Variants in AMZ1 observed in about 807,000 individuals in gnomAD.
AMZ1 encodes archaelysin family metallopeptidase 1, also known as archaemetzincin-1.
A neutral mutation model predicts 29.9 loss-of-function variants in AMZ1; 39 were observed. The ratio of observed to expected loss-of-function variants is 1.30; its 90% CI spans 1.01 to 1.70. AMZ1 has a LOEUF of 1.70. Ranked by LOEUF, AMZ1 falls within the 40% of genes most tolerant of loss-of-function variation. The pLI, the probability that AMZ1 is intolerant of heterozygous loss-of-function variation, is 0.00. For missense variants in AMZ1, 1,041 were observed against 680.6 expected (o/e 1.53, Z -5.89); for synonymous variants, 458 against 304.0 (o/e 1.51, Z -5.27).
Position 2,719,050 on chromosome 7 carries a change from CTTCTACCACA to C in AMZ1, c.*6180_*6189del, listed in dbSNP as rs1789299820. ...CCCCCCCATCTGAAGTGAGATCAAACTTCTACCACATTCTACCTGTGCCCTTCTGGGTGGG... is the reference window on the plus strand; with the variant it reads ...CCCCCCCATCTGAAGTGAGATCAAACTTCTACCTGTGCCCTTCTGGGTGGG... On this transcript the variant is annotated 3_prime_UTR_variant, in exon 7 of 7. Coordinates refer to ENST00000683327, the MANE Select transcript of AMZ1 (RefSeq NM_001384743.1). Among the ~76,000 whole-genome samples, 2 of 147,090 alleles carry C rather than the reference CTTCTACCACA, an allele frequency of 1.4e-5. No individual in the cohort carries two copies. Among genetic ancestry groups the C allele is most frequent in the South Asian group, 4.3e-4 (2 of 4,696 alleles).
Position 2,709,250 on chromosome 7 carries a change from T to G in AMZ1, c.771+6T>G. ...GGATGGTTCAGTGCTGCAAGGTGGG[T>G]GGGGGCTCTGGGGCTGGTAAGAGGG... On this transcript the variant is annotated splice_donor_region_variant and intron_variant, in intron 5 of 6. Coordinates refer to ENST00000683327, the MANE Select transcript of AMZ1 (RefSeq NM_001384743.1). 3 of 1,489,214 alleles carry G rather than the reference T, an allele frequency of 2.0e-6. No individual in the cohort carries two copies. The highest frequency in any genetic ancestry group is 2.7e-6 in the Non-Finnish European group (3 of 1,123,150). The allele number at this position is 1,489,214 out of a possible 1,614,324, so 92.3% of individuals were successfully genotyped here.
chr7:2,696,668 T>C (rs1787766632), intron 1 of AMZ1, among the ~76,000 whole-genome samples: 1 of 151,690 alleles, frequency 6.6e-6, no homozygotes, highest in South Asian at 2.1e-4. Context: ...GCAGATCACC[T>C]TGAGGTCAGG....
intron 1 of AMZ1, among the ~76,000 whole-genome samples, chr7:2,689,002 G>T (rs1009992014): frequency 6.6e-6 from 1 of 152,228 alleles, no homozygotes; most frequent in African/African-American, 2.4e-5. Context: ...GGTGAGGAGA[G>T]AGAACAGGAA....
chr7:2,708,783 G>A lies in AMZ1; in HGVS notation c.601+67G>A, dbSNP rs1221267334. ...GCATGGGGCTGTGGCCTCCGTGGCT[G>A]CAGGGCACCCTCTTTGCTTTTGCTT... On this transcript the variant is annotated intron_variant, in intron 4 of 6. Coordinates refer to ENST00000683327, the MANE Select transcript of AMZ1 (RefSeq NM_001384743.1). 15 of 1,604,270 alleles carry A rather than the reference G, an allele frequency of 9.4e-6. No homozygotes were observed. In the South Asian group the frequency reaches 1.2e-4, roughly 13 times the overall value.
At chr7:2,764,774 C>T (rs1230341425) in exon 1 of AMZ1, 2 of 152,210 alleles carry the variant, frequency 1.3e-5, no homozygotes, top group Non-Finnish European at 2.9e-5. Flanking sequence ...TCTGAAGTCC[C>T]TCTCATTCTC....
intron 4 of AMZ1, among the ~76,000 whole-genome samples, chr7:2,747,594 C>T (rs1296172925): frequency 3.3e-5 from 5 of 152,044 alleles, no homozygotes; most frequent in African/African-American, 1.2e-4. Flanking sequence ...GGAAGCATTC[C>T]CTTTGAAAAC....
chr7:2,736,070 G>C (rs896644552), intron 4 of AMZ1, among the ~76,000 whole-genome samples: 7 of 152,148 alleles, frequency 4.6e-5, no homozygotes, highest in Admixed American at 3.3e-4. Context: ...GACTCCTCAA[G>C]TCTTACAGCA....
rs773929996 is a variant in AMZ1 at position 2,709,167 on chromosome 7, G to A, written c.694G>A (p.Asp232Asn). 1 of 1,559,720 alleles carries A rather than the reference G, an allele frequency of 6.4e-7. No homozygotes were observed. Among genetic ancestry groups the A allele is most frequent in the East Asian group, 2.3e-5 (1 of 43,684 alleles). The part of the protein sequence containing the change: ...PDLALVEAAA[D>N]GPEAPLQDRG... ...TCTGGCCCTGGTAGAGGCAGCAGCA[G>A]ACGGCCCCGAGGCCCCCCTGCAGGA... Residue 232 changes from aspartate (D) to asparagine (N), a missense_variant, in exon 5 of 7, where the codon GAC becomes AAC. Coordinates refer to ENST00000683327, the MANE Select transcript of AMZ1 (RefSeq NM_001384743.1).
At chr7:2,702,997 C>A in intron 3 of AMZ1, 108 bp downstream of exon 3, 3 of 1,388,374 alleles carry the variant, frequency 2.2e-6, no homozygotes, top group South Asian at 1.4e-5. Context: ...TTCCTTTTTG[C>A]TGGGAAACAT....
rs753698116 is a variant in AMZ1 at position 2,714,469 on chromosome 7, T to C, written c.*1591T>C. ...GATCTTCGTCCCGTTCTCTTTTGCG[T>C]AGCTTCAAAAAGGCGTAACAGTGAC... On this transcript the variant is annotated 3_prime_UTR_variant, in exon 7 of 7. Transcript: ENST00000683327. 2.0e-5 allele frequency: 3 copies of C among 152,328 alleles called. No homozygotes were observed. Among genetic ancestry groups the C allele is most frequent in the Non-Finnish European group, 4.4e-5 (3 of 68,042 alleles). The allele number at this position is 152,328 out of a possible 1,614,324, so 9.4% of individuals were successfully genotyped here. A position where few individuals can be genotyped will look rare whatever the true frequency, so the allele number is the denominator to read the frequency against.
At chr7:2,732,684 C>T (rs934129968) in intron 4 of AMZ1, among the ~76,000 whole-genome samples, 1 of 152,206 alleles carries the variant, frequency 6.6e-6, no homozygotes. Flanking sequence ...TGACTACCAC[C>T]CACGGGGTGT....
intron 4 of AMZ1, among the ~76,000 whole-genome samples, 171 bp downstream of exon 4, chr7:2,708,887 A>AG (rs1788550226): frequency 6.6e-6 from 1 of 152,166 alleles, no homozygotes; most frequent in Non-Finnish European, 1.5e-5. Context: ...GGAATGGCAT[A>AG]GGGGCTGTTC....
chr7:2,740,029 C>T (rs1176950228), intron 4 of AMZ1, among the ~76,000 whole-genome samples: 4 of 152,132 alleles, frequency 2.6e-5, no homozygotes, highest in Admixed American at 6.5e-5. Context: ...TTCTCCACGG[C>T]GGCTGCACAA....
At chr7:2,739,444 GGC>G (rs1325904164) in intron 4 of AMZ1, among the ~76,000 whole-genome samples, 2 of 152,120 alleles carry the variant, frequency 1.3e-5, no homozygotes, top group Non-Finnish European at 2.9e-5. Context: ...CCCATGCTGT[GGC>G]ACAGGCCAGT....
chr7:2,752,524 G>A (rs984376808), intron 4 of AMZ1, among the ~76,000 whole-genome samples: 1 of 152,076 alleles, frequency 6.6e-6, no homozygotes, highest in South Asian at 2.1e-4. Flanking sequence ...TCTGCAGATC[G>A]CCTAACTGTT....
chr7:2,704,447 C>T (rs1788232374), intron 3 of AMZ1, among the ~76,000 whole-genome samples: 1 of 151,058 alleles, frequency 6.6e-6, no homozygotes, highest in African/African-American at 2.4e-5. Context: ...TACTGTATTC[C>T]CCTCTATCCT....
Position 2,737,269 on chromosome 7 carries a change from G to GTT in AMZ1, n.551-27440_551-27439dup, listed in dbSNP as rs1317020597. ...CATTCAGGAGCTATCTCACAGTTTT[G>GTT]TTTTGTTTTTTTTTTTTTTGTTTTT... On this transcript the variant is annotated intron_variant and non_coding_transcript_variant, in intron 4 of 4. Coordinates refer to the AMZ1 transcript ENST00000489665. Among the ~76,000 whole-genome samples, 231 of 38,108 alleles carry GTT rather than the reference G, an allele frequency of 6.1e-3. 14 individuals carry two copies. Among genetic ancestry groups the GTT allele is most frequent in the East Asian group, 1.0e-2 (10 of 1,004 alleles). The allele number at this position is 38,108 out of a possible 152,430, so 25.0% of individuals were successfully genotyped here. A position where few individuals can be genotyped will look rare whatever the true frequency, so the allele number is the denominator to read the frequency against.
downstream of AMZ1, among the ~76,000 whole-genome samples, chr7:2,721,715 CAAA>C (rs35321742): frequency 4.0e-5 from 5 of 125,030 alleles, no homozygotes; most frequent in African/African-American, 6.4e-5. Flanking sequence ...GACTACGTCT[CAAA>C]AAAAAAAAAA....
At chr7:2,712,216 C>T (rs1239990968) in intron 6 of AMZ1, 114 bp from the exon 7 acceptor site, 3 of 1,163,016 alleles carry the variant, frequency 2.6e-6, no homozygotes, top group Non-Finnish European at 3.5e-6. Context: ...CTGACTCCCG[C>T]CCCTGGGTAA....
Sources: allele counts gnomAD v4.1 joint callset (sites outside exome capture counted in the v4.1 genomes callset), GRCh38; gene constraint gnomAD v4.1.1; transcripts MANE v1.5; gene names NCBI Gene and HGNC (gene_info 2026-07-23, HGNC 2026-07-21).